The following TENM2 variants were observed in gnomAD, a reference collection of about 807,000 sequenced individuals.
TENM2 encodes teneurin-2.
In TENM2, 52 loss-of-function variants were observed where a neutral mutation model predicts 245.2. That is an observed-to-expected ratio of 0.21 (90% CI 0.17 to 0.27). TENM2 has a LOEUF of 0.27. TENM2 is among the 10% of genes least tolerant of loss of function. The probability of loss-of-function intolerance (pLI) is 1.00; values close to 1 mark genes in which losing one functional copy is unlikely to be tolerated. For synonymous variants in TENM2, 1,363 were observed against 1,438.9 expected (o/e 0.95, Z 1.19); for missense variants, 3,046 against 3,666.8 (o/e 0.83, Z 4.37).
chr5:168,078,528 G>C (rs1336993952), intron 7 of TENM2, among the ~76,000 whole-genome samples: 1 of 152,156 alleles, frequency 6.6e-6, no homozygotes, highest in African/African-American at 2.4e-5. Context: ...GAATGGTATT[G>C]CCTAGGTTTT....
the TENM2 span, among the ~76,000 whole-genome samples, chr5:166,997,996 A>G: frequency 6.6e-6 from 1 of 152,192 alleles, no homozygotes. Flanking sequence ...CATAATGTAC[A>G]AAAATGAACA....
At chr5:167,952,664 C>T in exon 4 of TENM2, 6 of 1,613,236 alleles carry the variant, frequency 3.7e-6, no homozygotes, top group Non-Finnish European at 5.1e-6. Flanking sequence ...TGTCCCATCA[C>T]CACTCGTCCG....
chr5:167,410,737 A>C (rs942217319), intron 2 of TENM2, among the ~76,000 whole-genome samples: 4 of 152,078 alleles, frequency 2.6e-5, no homozygotes, highest in African/African-American at 9.7e-5. Flanking sequence ...TGTATTATTT[A>C]AGGTAGAGAT....
chr5:168,107,558 G>T lies in TENM2; in HGVS notation c.1813+9431G>T, dbSNP rs574479248. ...GACCCCTTTTTAGCAAGCCTCCTGGGGGGGGGGTCTGATGCAGGTGGTCAG... is the reference window on the plus strand; with the variant it reads ...GACCCCTTTTTAGCAAGCCTCCTGGTGGGGGGGTCTGATGCAGGTGGTCAG... On this transcript the variant is annotated intron_variant, in intron 9 of 28. Transcript: ENST00000518659. 3.7e-3 allele frequency among the ~76,000 whole-genome samples: 369 copies of T among 100,898 alleles called. 2 individuals carry two copies. Among genetic ancestry groups the T allele is most frequent in the African/African-American group, 0.011 (344 of 30,022 alleles). 66.2% of individuals were successfully genotyped at this position (100,898 alleles called of 152,430 possible). A position where few individuals can be genotyped will look rare whatever the true frequency, so the allele number is the denominator to read the frequency against.
intron 2 of TENM2, among the ~76,000 whole-genome samples, chr5:167,493,829 ATGT>A (rs1768604985): frequency 6.6e-6 from 1 of 152,234 alleles, no homozygotes; most frequent in East Asian, 1.9e-4. Context: ...AGTTGACGTG[ATGT>A]TGTGTTGGAA....
intron 2 of TENM2, among the ~76,000 whole-genome samples, chr5:167,529,892 T>C (rs1384414538): frequency 6.6e-6 from 1 of 152,144 alleles, no homozygotes; most frequent in African/African-American, 2.4e-5. Context: ...TTGAGTGGAA[T>C]AGAGAAGAAA....
At chr5:167,254,190 A>G in the TENM2 span, among the ~76,000 whole-genome samples, 1 of 152,158 alleles carries the variant, frequency 6.6e-6, no homozygotes, top group Non-Finnish European at 1.5e-5. Flanking sequence ...GATCACAGTT[A>G]TAGTGTGCAG....
chr5:167,750,595 G>C (rs530875811), intron 2 of TENM2, among the ~76,000 whole-genome samples: 1 of 152,090 alleles, frequency 6.6e-6, no homozygotes, highest in African/African-American at 2.4e-5. Flanking sequence ...TAGAACACAC[G>C]ATAGTGGTAC....
intron 1 of TENM2, among the ~76,000 whole-genome samples, chr5:167,356,711 A>G (rs1423461548): frequency 6.6e-6 from 1 of 152,172 alleles, no homozygotes; most frequent in Non-Finnish European, 1.5e-5. Flanking sequence ...GAATCCTTTG[A>G]GGAGGTTGGT....
intron 5 of TENM2, among the ~76,000 whole-genome samples, chr5:168,004,305 C>G (rs1784632857): frequency 6.6e-6 from 1 of 152,190 alleles, no homozygotes; most frequent in African/African-American, 2.4e-5. Context: ...TTAGATTACC[C>G]TGCAATGTTA....
chr5:167,918,723 C>A (rs1777131583), intron 3 of TENM2, among the ~76,000 whole-genome samples: 1 of 151,822 alleles, frequency 6.6e-6, no homozygotes, highest in African/African-American at 2.4e-5. Flanking sequence ...GCCAGCACCT[C>A]CTGTTAGGCT....
chr5:167,658,596 G>A (rs552416083), intron 2 of TENM2, among the ~76,000 whole-genome samples: 1 of 152,238 alleles, frequency 6.6e-6, no homozygotes, highest in South Asian at 2.1e-4. Context: ...TTCAACCCAT[G>A]ACTTTTGGAG....
chr5:168,090,835 C>A, intron 8 of TENM2, 66 bp downstream of exon 10: 1 of 1,384,522 alleles, frequency 7.2e-7, no homozygotes, highest in Non-Finnish European at 1.0e-6. Context: ...GGCTTCTCTG[C>A]AGAAGACACA....
chr5:167,265,546 A>T, the TENM2 span, among the ~76,000 whole-genome samples: 1 of 151,978 alleles, frequency 6.6e-6, no homozygotes, highest in East Asian at 1.9e-4. Context: ...TGAAATGAAA[A>T]TTTTATTCTG....
rs62382761 is a variant in TENM2, at chr5:167,554,679, T to C, written c.502+179206T>C. Among the ~76,000 whole-genome samples the C allele has an allele frequency of 4.0e-3, 614 of 152,248 alleles. 3 individuals carry two copies. Among genetic ancestry groups the C allele is most frequent in the Non-Finnish European group, 6.0e-3 (410 of 68,014 alleles). ...CTGAGGCACAGAAAGGTGAAGTAAG[T>C]TGGCCATGGTCACTAAGCTGGTACA... On this transcript the variant is annotated intron_variant, in intron 2 of 28. Transcript: ENST00000518659.
intron 2 of TENM2, among the ~76,000 whole-genome samples, chr5:167,579,912 C>T (rs996269990): frequency 2.0e-5 from 3 of 152,136 alleles, no homozygotes; most frequent in Non-Finnish European, 4.4e-5. Context: ...GTTTAATATA[C>T]TTCTGCAGCC....
chr5:168,155,465 C>T (rs1247260898), intron 12 of TENM2, among the ~76,000 whole-genome samples: 1 of 151,984 alleles, frequency 6.6e-6, no homozygotes, highest in Non-Finnish European at 1.5e-5. Flanking sequence ...AGAGAAAGGG[C>T]CCCCATGTAG....
the TENM2 span, among the ~76,000 whole-genome samples, chr5:167,020,165 T>A: frequency 2.6e-5 from 4 of 152,164 alleles, no homozygotes; most frequent in African/African-American, 9.7e-5. Context: ...TTATTCTGAC[T>A]AAAATTTTGC....
At chr5:167,453,766 C>T (rs1379195909) in intron 2 of TENM2, among the ~76,000 whole-genome samples, 4 of 152,164 alleles carry the variant, frequency 2.6e-5, no homozygotes, top group Non-Finnish European at 5.9e-5. Context: ...TAAACATCAA[C>T]TCAGTTAAAA....
Sources: gnomAD v4.1 joint callset for allele counts (sites outside exome capture counted in the v4.1 genomes callset) on GRCh38, gnomAD v4.1.1 for gene constraint, MANE v1.5 for transcripts, NCBI Gene and HGNC (gene_info 2026-07-23, HGNC 2026-07-21) for gene names.